Variants in RTN4IP1 observed in about 807,000 individuals in gnomAD.
RTN4IP1 encodes the protein reticulon 4 interacting protein 1, also known as NAD(P)H oxidoreductase RTN4IP1, mitochondrial.
RTN4IP1 carries 32 observed loss-of-function variants against 46.6 expected under a neutral mutation model. That is an observed-to-expected ratio of 0.69 (90% confidence interval 0.52 to 0.92). The LOEUF (loss-of-function observed/expected upper bound fraction) is 0.92. RTN4IP1 is among the 40% of genes least tolerant of loss of function. The pLI is 0.00. For synonymous variants in RTN4IP1, 167 were observed against 161.8 expected (o/e 1.03, Z -0.24); for missense variants, 424 against 485.8 (o/e 0.87, Z 1.20).
chr6:106,621,325 C>G, intron 3 of RTN4IP1, 100 bp downstream of exon 3: 2 of 864,678 alleles, frequency 2.3e-6, no homozygotes, highest in Non-Finnish European at 3.9e-6. Context: ...TAAACTGCCC[C>G]ATCAAACATA....
intron 1 of RTN4IP1, among the ~76,000 whole-genome samples, chr6:106,627,560 C>T (rs1267767346): frequency 6.6e-6 from 1 of 151,946 alleles, no homozygotes; most frequent in South Asian, 2.1e-4. Context: ...AAAAAACATG[C>T]TGATCATTGA....
intron 5 of RTN4IP1, among the ~76,000 whole-genome samples, chr6:106,595,022 G>C (rs1012836813): frequency 1.2e-4 from 19 of 152,214 alleles, no homozygotes; most frequent in African/African-American, 4.6e-4. Flanking sequence ...GGCTGGTCTT[G>C]AACTCCTGAG....
chr6:106,615,824 G>C (rs1776339240), intron 4 of RTN4IP1, among the ~76,000 whole-genome samples: 1 of 152,158 alleles, frequency 6.6e-6, no homozygotes. Context: ...CTTATCTTGA[G>C]AGCCCTAAGT....
At chr6:106,599,986 CTATT>C (rs987082425) in intron 5 of RTN4IP1, among the ~76,000 whole-genome samples, 2 of 151,896 alleles carry the variant, frequency 1.3e-5, no homozygotes, top group African/African-American at 4.8e-5. Context: ...TTCCTTTCTT[CTATT>C]TATTTATGTA....
intron 5 of RTN4IP1, among the ~76,000 whole-genome samples, chr6:106,599,619 G>A (rs1775891861): frequency 6.6e-6 from 1 of 151,926 alleles, no homozygotes; most frequent in South Asian, 2.1e-4. Context: ...TTCACTGTGT[G>A]CAATTATAGT....
chr6:106,577,732 G>A (rs767971659), intron 8 of RTN4IP1, among the ~76,000 whole-genome samples: 1 of 152,126 alleles, frequency 6.6e-6, no homozygotes, highest in Non-Finnish European at 1.5e-5. Flanking sequence ...TGGGCCCAGT[G>A]TAATCTCAGG....
At chr6:106,581,753 A>G (rs1775377302) in intron 8 of RTN4IP1, among the ~76,000 whole-genome samples, 1 of 152,212 alleles carries the variant, frequency 6.6e-6, no homozygotes, top group South Asian at 2.1e-4. Context: ...TATACAAGTC[A>G]CCTCTCATCT....
chr6:106,591,378 GC>G lies in RTN4IP1; in HGVS notation c.806+785del, dbSNP rs1562138035. Among the ~76,000 whole-genome samples the G allele has an allele frequency of 2.6e-5, 4 of 152,250 alleles. No individual in the cohort carries two copies. In the South Asian group the frequency reaches 8.3e-4, roughly 32 times the overall value. On this transcript the variant is annotated intron_variant, in intron 6 of 8. Transcript: ENST00000369063. ...ACCAAACTACTGCTAGAAGTTGGTG[GC>G]ACTGGCTGAGAAAGGCTGGGCGGTG...
At chr6:106,590,466 C>T (rs1165850037) in intron 6 of RTN4IP1, among the ~76,000 whole-genome samples, 1 of 151,968 alleles carries the variant, frequency 6.6e-6, no homozygotes, top group Non-Finnish European at 1.5e-5. Context: ...CCTGTAATCC[C>T]AGCACTTTGC....
intron 5 of RTN4IP1, among the ~76,000 whole-genome samples, chr6:106,602,584 T>C (rs935632609): frequency 1.2e-4 from 18 of 152,198 alleles, no homozygotes; most frequent in Non-Finnish European, 1.5e-5. Context: ...CCCACTCATA[T>C]TAAACTACTA....
intron 4 of RTN4IP1, among the ~76,000 whole-genome samples, chr6:106,618,521 A>G (rs760730537): frequency 6.6e-6 from 1 of 152,250 alleles, no homozygotes; most frequent in Non-Finnish European, 1.5e-5. Flanking sequence ...TTTAATGTGC[A>G]TTACCTCATT....
intron 3 of RTN4IP1, among the ~76,000 whole-genome samples, chr6:106,620,509 G>T (rs1270566922): frequency 6.6e-6 from 1 of 152,074 alleles, no homozygotes; most frequent in Non-Finnish European, 1.5e-5. Flanking sequence ...TACCTCACAG[G>T]GGTAGGTGCA....
intron 8 of RTN4IP1, 37 bp downstream of exon 8, chr6:106,583,291 A>G: frequency 1.9e-6 from 3 of 1,553,988 alleles, no homozygotes; most frequent in Non-Finnish European, 2.7e-6. Context: ...CTGTAGAAAT[A>G]CAAAGGCTTC....
chr6:106,607,055 A>G (rs1198667190), intron 4 of RTN4IP1, among the ~76,000 whole-genome samples: 1 of 152,224 alleles, frequency 6.6e-6, no homozygotes, highest in Non-Finnish European at 1.5e-5. Flanking sequence ...AAACAGATAC[A>G]TAGACCAATG....
intron 4 of RTN4IP1, among the ~76,000 whole-genome samples, chr6:106,616,422 T>C (rs1776358273): frequency 6.6e-6 from 1 of 152,206 alleles, no homozygotes; most frequent in Non-Finnish European, 1.5e-5. Flanking sequence ...AAAGAAATCC[T>C]ATAAAATCTT....
chr6:106,587,666 C>T lies in RTN4IP1; in HGVS notation c.990+13G>A. ...GGCTGCCTGCAGTCACCAACCAAGA[C>T]CCTTCTTCCTACCTTTAATGCCTTT... On this transcript the variant is annotated intron_variant, in intron 7 of 8. Coordinates refer to ENST00000369063, the MANE Select transcript of RTN4IP1 (RefSeq NM_032730.5). 5.0e-6 allele frequency: 8 copies of T among 1,602,114 alleles called. No individual in the cohort carries two copies. The highest frequency in any genetic ancestry group is 6.8e-6 in the Non-Finnish European group (8 of 1,172,722).
rs566685354 is a variant in RTN4IP1, at chr6:106,618,224, T to A, written c.620+978A>T. Among the ~76,000 whole-genome samples, 219 of 151,624 alleles carry A rather than the reference T, an allele frequency of 1.4e-3. 1 individual carries two copies. The highest frequency in any genetic ancestry group is 5.1e-3 in the African/African-American group (213 of 41,574). On this transcript the variant is annotated intron_variant, in intron 4 of 8. Transcript: ENST00000369063. ...ATTAAATGTAAAGTGCAATGTTTCA[T>A]AACAATAGAACAGAATCACACAGAC...
In RTN4IP1 at chr6:106,592,172, G is replaced by A; in HGVS notation, c.798C>T (p.Ser266=). The A allele has an allele frequency of 6.2e-7, 1 of 1,613,838 alleles. No individual in the cohort carries two copies. The highest frequency in any genetic ancestry group is 8.5e-7 in the Non-Finnish European group (1 of 1,179,938). The change falls in exon 6 of 9, where the codon TCC becomes TCT. Residue 266 remains serine, a synonymous_variant. Coordinates refer to ENST00000369063, the MANE Select transcript of RTN4IP1 (RefSeq NM_032730.5). ...KSGSVEEQLK[S]LKPFDFILDN... is the part of the protein sequence containing the mutation. ...ATTGTTCTAATACATACGGTTTTAA[G>A]GATTTCAACTGCTCTTCCACACTTC...
upstream of RTN4IP1, chr6:106,629,720 C>A (rs1035115815): frequency 1.2e-6 from 2 of 1,600,712 alleles, no homozygotes; most frequent in Admixed American, 1.7e-5. Context: ...GTGGAATTGG[C>A]CCGCTGAGGC....
Sources: gnomAD v4.1 joint callset for allele counts (sites outside exome capture counted in the v4.1 genomes callset) on GRCh38, gnomAD v4.1.1 for gene constraint, MANE v1.5 for transcripts, NCBI Gene and HGNC (gene_info 2026-07-23, HGNC 2026-07-21) for gene names.